CEP57: variants seen among roughly 807,000 people sequenced by gnomAD.
CEP57 encodes centrosomal protein 57.
CEP57 carries 40 observed loss-of-function variants against 68.0 expected under a neutral mutation model. That is an observed-to-expected ratio of 0.59 (90% confidence interval 0.46 to 0.77). The LOEUF is 0.77. Among genes scored for constraint, CEP57 ranks in the 30% least tolerant of loss-of-function variants. The pLI, the probability that CEP57 is intolerant of heterozygous loss-of-function variation, is 0.00. For missense variants in CEP57, 606 were observed against 580.7 expected, an observed-to-expected ratio of 1.04 and a Z score of -0.45; for synonymous variants, 219 against 198.7, an observed-to-expected ratio of 1.10 and a Z score of -0.86.
At chr11:95,808,204 TCTC>T (rs1437246152) in intron 2 of CEP57, among the ~76,000 whole-genome samples, 4 of 151,470 alleles carry the variant, frequency 2.6e-5, no homozygotes, top group African/African-American at 9.7e-5. Context: ...CCTTACAAGA[TCTC>T]CTGAAGGAAC....
chr11:95,797,124 C>T (rs1861381871), intron 1 of CEP57, among the ~76,000 whole-genome samples: 1 of 151,764 alleles, frequency 6.6e-6, no homozygotes. Flanking sequence ...AGGTCAGGGC[C>T]TAGGGCTGAA....
chr11:95,828,517 C>A (rs894126352), intron 9 of CEP57, among the ~76,000 whole-genome samples: 1 of 152,130 alleles, frequency 6.6e-6, no homozygotes, highest in African/African-American at 2.4e-5. Flanking sequence ...TAAAGTCTTA[C>A]GGGACCACTG....
upstream of CEP57, chr11:95,790,271 T>C: frequency 4.0e-6 from 1 of 252,598 alleles, no homozygotes; most frequent in Non-Finnish European, 7.8e-6. Context: ...CTCCCTTCAG[T>C]TGCCACTGGC....
intron 2 of CEP57, among the ~76,000 whole-genome samples, chr11:95,809,761 T>C (rs984208757): frequency 2.0e-5 from 3 of 152,174 alleles, no homozygotes; most frequent in Admixed American, 1.3e-4. Context: ...AGCCAAATTC[T>C]ACCAGAGGCA....
At chr11:95,801,286 A>G (rs998034443) in intron 2 of CEP57, among the ~76,000 whole-genome samples, 6 of 152,166 alleles carry the variant, frequency 3.9e-5, no homozygotes, top group African/African-American at 1.4e-4. Context: ...TGTAATCACT[A>G]ACCTAGAAGC....
chr11:95,810,994 G>A (rs996296418), intron 2 of CEP57, among the ~76,000 whole-genome samples: 2 of 152,310 alleles, frequency 1.3e-5, no homozygotes, highest in African/African-American at 2.4e-5. Flanking sequence ...TGGTGGGATC[G>A]TAAACTAGTT....
intron 2 of CEP57, among the ~76,000 whole-genome samples, chr11:95,812,697 C>T (rs1410114977): frequency 1.3e-5 from 2 of 152,164 alleles, no homozygotes; most frequent in Non-Finnish European, 2.9e-5. Context: ...ACCTCAGCCT[C>T]CCAAAGTGCT....
chr11:95,810,245 TACTG>T (rs1337229555), intron 2 of CEP57, among the ~76,000 whole-genome samples: 2 of 152,208 alleles, frequency 1.3e-5, no homozygotes, highest in African/African-American at 2.4e-5. Context: ...GCCAATATCA[TACTG>T]AATGAGCAAG....
intron 4 of CEP57, among the ~76,000 whole-genome samples, chr11:95,816,882 G>T (rs949375646): frequency 2.0e-5 from 3 of 151,852 alleles, no homozygotes; most frequent in South Asian, 2.1e-4. Flanking sequence ...GTGGTGGCAG[G>T]CGCCTATAAT....
intron 2 of CEP57, among the ~76,000 whole-genome samples, chr11:95,805,072 C>T (rs1212216619): frequency 6.6e-6 from 1 of 152,078 alleles, no homozygotes; most frequent in Non-Finnish European, 1.5e-5. Flanking sequence ...AATGTTCAGC[C>T]AGTTTCAATA....
chr11:95,793,543 A>G (rs994047751), intron 1 of CEP57, among the ~76,000 whole-genome samples: 2 of 92,698 alleles, frequency 2.2e-5, no homozygotes, highest in African/African-American at 1.9e-4. Flanking sequence ...GAATACCTTC[A>G]TGTTCCTCTG....
chr11:95,821,678 TGA>T (rs1862521829), intron 6 of CEP57, among the ~76,000 whole-genome samples, 191 bp from the exon 7 acceptor site: 2 of 152,180 alleles, frequency 1.3e-5, no homozygotes, highest in South Asian at 4.1e-4. Context: ...CAAGATAAAA[TGA>T]GAGACTGGTA....
intron 4 of CEP57, among the ~76,000 whole-genome samples, chr11:95,814,354 T>G (rs1234854116): frequency 6.7e-6 from 1 of 149,772 alleles, no homozygotes; most frequent in Non-Finnish European, 1.5e-5. Context: ...TGGCCTTGTG[T>G]GTATTTTTTT....
chr11:95,827,835 A>T lies in CEP57; in HGVS notation c.935A>T (p.His312Leu), dbSNP rs147127935. 1.2e-6 allele frequency: 2 copies of T among 1,613,962 alleles called. No homozygotes were observed. Among genetic ancestry groups the T allele is most frequent in the Non-Finnish European group, 1.7e-6 (2 of 1,179,962 alleles). Residue 312 changes from histidine (H) to leucine (L), a missense_variant, in exon 9 of 11, where the codon CAT becomes CTT. Transcript: ENST00000325542. ...GTAGCCAATGTTCAGCTTGTCTTGC[A>T]TCTAATGAAGCAACACAGTAAAGCT... ...AVVANVQLVLHLMKQHSKALC... is the reference protein window; with the variant it reads ...AVVANVQLVLLLMKQHSKALC...
chr11:95,825,175 A>G (rs1862686488), intron 8 of CEP57, among the ~76,000 whole-genome samples: 1 of 152,218 alleles, frequency 6.6e-6, no homozygotes, highest in Non-Finnish European at 1.5e-5. Context: ...GCTGTGGAAG[A>G]GAACTTCAGA....
At chr11:95,800,349 C>T (rs950894726) in intron 2 of CEP57, among the ~76,000 whole-genome samples, 4 of 151,950 alleles carry the variant, frequency 2.6e-5, no homozygotes, top group Admixed American at 2.6e-4. Flanking sequence ...CCCTTATTGT[C>T]TCCTACGGTA....
rs56260498 is a variant in CEP57 at position 95,820,579 on chromosome 11, C to CAAAAAAAAAAAAAAAAAAA, written c.700-1274_700-1273insAAAAAAAAAAAAAAAAAAA. On this transcript the variant is annotated intron_variant, in intron 6 of 10. Transcript: ENST00000325542. ...TGCATTCCATCCTGGGCAACAAGAGCAAAAAAAAAAAAAAAAAACAGTGTT... is the reference window on the plus strand; with the variant it reads ...TGCATTCCATCCTGGGCAACAAGAGCAAAAAAAAAAAAAAAAAAAAAAAAAAAAAAAAAAAAACAGTGTT... 2.4e-5 allele frequency among the ~76,000 whole-genome samples: 2 copies of CAAAAAAAAAAAAAAAAAAA among 82,440 alleles called. 1 individual carries two copies. Among genetic ancestry groups the CAAAAAAAAAAAAAAAAAAA allele is most frequent in the Non-Finnish European group, 4.6e-5 (2 of 43,420 alleles). The allele number at this position is 82,440 out of a possible 152,430, so 54.1% of individuals were successfully genotyped here.
chr11:95,818,981 G>A, intron 6 of CEP57, 77 bp downstream of exon 6: 1 of 1,091,890 alleles, frequency 9.2e-7, no homozygotes, highest in Non-Finnish European at 1.4e-6. Context: ...TTACATTTAG[G>A]TATCTTACAT....
At chr11:95,819,424 T>G (rs1862431318) in intron 6 of CEP57, among the ~76,000 whole-genome samples, 1 of 152,194 alleles carries the variant, frequency 6.6e-6, no homozygotes, top group Non-Finnish European at 1.5e-5. Flanking sequence ...CCAGATAGAA[T>G]AGGTGAGGCA....
Sources: gnomAD v4.1 joint callset for allele counts (sites outside exome capture counted in the v4.1 genomes callset) on GRCh38, gnomAD v4.1.1 for gene constraint, MANE v1.5 for transcripts, NCBI Gene and HGNC (gene_info 2026-07-23, HGNC 2026-07-21) for gene names.